The following MICU1 variants were observed in gnomAD, a reference collection of about 807,000 sequenced individuals.
MICU1 encodes the protein mitochondrial calcium uptake 1, also known as calcium uptake protein 1, mitochondrial.
Under a neutral mutation model 56.8 loss-of-function variants are expected in MICU1, and 45 were observed. The observed-to-expected ratio is 0.79, with a 90% CI of 0.62 to 1.02. MICU1 has a LOEUF of 1.02. MICU1 is among the 50% of genes least tolerant of loss of function. MICU1 has a pLI of 0.00. For synonymous variants in MICU1, 186 were observed against 195.1 expected (o/e 0.95, Z 0.39); for missense variants, 504 against 587.1 (o/e 0.86, Z 1.46).
intron 1 of MICU1, among the ~76,000 whole-genome samples, chr10:72,622,381 A>G (rs912164463): frequency 1.3e-5 from 2 of 152,112 alleles, no homozygotes; most frequent in Non-Finnish European, 2.9e-5. Flanking sequence ...AATGGTTTCA[A>G]ACTATATTCC....
intron 8 of MICU1, among the ~76,000 whole-genome samples, chr10:72,474,515 C>T (rs1866052727): frequency 6.6e-6 from 1 of 152,118 alleles, no homozygotes; most frequent in Non-Finnish European, 1.5e-5. Context: ...TTGCAACTCT[C>T]AGCAACATTG....
At chr10:72,521,580 G>A (rs1175639919) in intron 5 of MICU1, among the ~76,000 whole-genome samples, 1 of 151,938 alleles carries the variant, frequency 6.6e-6, no homozygotes, top group African/African-American at 2.4e-5. Context: ...GCACTTTATG[G>A]ATAAGAACAC....
In MICU1 at chr10:72,623,249, C is replaced by T. The variant is rs1168582790; in HGVS notation, c.-2+2761G>A. On this transcript the variant is annotated intron_variant, in intron 1 of 11. Transcript: ENST00000361114. ...TCGCGCCATTGCACTGTAGCCTTGGCAACGAGAGTGAAACTCTGTCAAAAA... is the reference window on the plus strand; with the variant it reads ...TCGCGCCATTGCACTGTAGCCTTGGTAACGAGAGTGAAACTCTGTCAAAAA... 4.3e-5 allele frequency among the ~76,000 whole-genome samples: 5 copies of T among 116,374 alleles called. No individual in the cohort carries two copies. The East Asian group carries it at 1.5e-3, about 34-fold the overall frequency. 76.3% of individuals were successfully genotyped at this position (116,374 alleles called of 152,430 possible). A position where few individuals can be genotyped will look rare whatever the true frequency, so the allele number is the denominator to read the frequency against.
At chr10:72,619,340 G>A (rs1842049048) in intron 1 of MICU1, among the ~76,000 whole-genome samples, 1 of 152,190 alleles carries the variant, frequency 6.6e-6, no homozygotes, top group East Asian at 1.9e-4. Flanking sequence ...AGCTACTCGG[G>A]AGGCTGAGGC....
chr10:72,564,831 A>C (rs1002754174), intron 2 of MICU1, among the ~76,000 whole-genome samples: 5 of 152,148 alleles, frequency 3.3e-5, no homozygotes, highest in Non-Finnish European at 7.4e-5. Context: ...ATGAAACTAC[A>C]CAAAGTAGTT....
At chr10:72,577,308 G>A (rs947842883) in intron 1 of MICU1, among the ~76,000 whole-genome samples, 3 of 151,920 alleles carry the variant, frequency 2.0e-5, no homozygotes, top group Non-Finnish European at 2.9e-5. Flanking sequence ...TCAGAAGTTC[G>A]AGACCAGCCT....
chr10:72,477,122 A>G (rs1589259326), intron 7 of MICU1, 52 bp downstream of exon 7: 2 of 1,377,532 alleles, frequency 1.5e-6, no homozygotes, highest in East Asian at 5.0e-5. Context: ...AGGCACATGA[A>G]AATGTATTTT....
chr10:72,566,237 G>A (rs1268246940), intron 2 of MICU1, among the ~76,000 whole-genome samples: 1 of 151,936 alleles, frequency 6.6e-6, no homozygotes, highest in Non-Finnish European at 1.5e-5. Context: ...GTAGAGATGG[G>A]TTTTTGCCAT....
chr10:72,625,778 G>C (rs181180415), intron 1 of MICU1, among the ~76,000 whole-genome samples: 3 of 152,158 alleles, frequency 2.0e-5, no homozygotes, highest in African/African-American at 4.8e-5. Flanking sequence ...GACGGGTTGG[G>C]GTGAAGGAAA....
intron 10 of MICU1, among the ~76,000 whole-genome samples, chr10:72,392,533 TG>T (rs1564842358): frequency 3.3e-5 from 5 of 152,066 alleles, no homozygotes; most frequent in African/African-American, 1.2e-4. Flanking sequence ...ATTGTACCAC[TG>T]CACTCCAGTC....
chr10:72,482,917 G>A (rs144280990), intron 6 of MICU1, among the ~76,000 whole-genome samples: 6,741 of 151,268 alleles, frequency 0.045, 496 homozygotes, highest in African/African-American at 0.15. Context: ...GTGCAGTGGC[G>A]TGATTTTGGC....
At chr10:72,424,030 T>C (rs1275291867) in intron 8 of MICU1, among the ~76,000 whole-genome samples, 2 of 152,202 alleles carry the variant, frequency 1.3e-5, no homozygotes, top group Non-Finnish European at 2.9e-5. Context: ...GTTTCCTTAG[T>C]AGTGGGACTG....
At chr10:72,506,957 C>T (rs1867272972) in intron 6 of MICU1, among the ~76,000 whole-genome samples, 1 of 152,134 alleles carries the variant, frequency 6.6e-6, no homozygotes, top group East Asian at 1.9e-4. Flanking sequence ...TCAGCTGTGG[C>T]AAGGCATATA....
Position 72,407,317 on chromosome 10 carries a change from T to C in MICU1, c.1180+612A>G, listed in dbSNP as rs116556743. Among the ~76,000 whole-genome samples the C allele has an allele frequency of 2.8e-3, 425 of 152,290 alleles. 2 individuals carry two copies. Among genetic ancestry groups the C allele is most frequent in the African/African-American group, 9.7e-3 (403 of 41,560 alleles). ...ATACGATCAAGCAAATATAGCAAAATGTCAGTTGAGCTGAATATGTGGATG... is the reference window on the plus strand; with the variant it reads ...ATACGATCAAGCAAATATAGCAAAACGTCAGTTGAGCTGAATATGTGGATG... On this transcript the variant is annotated intron_variant, in intron 10 of 11. Transcript: ENST00000361114.
At chr10:72,503,373 C>T (rs1446588100) in intron 6 of MICU1, among the ~76,000 whole-genome samples, 1 of 152,050 alleles carries the variant, frequency 6.6e-6, no homozygotes, top group Non-Finnish European at 1.5e-5. Flanking sequence ...ATGATTCTTC[C>T]CCACCCCCAG....
At chr10:72,513,115 C>T (rs1867534288) in intron 5 of MICU1, among the ~76,000 whole-genome samples, 1 of 152,162 alleles carries the variant, frequency 6.6e-6, no homozygotes, top group South Asian at 2.1e-4. Context: ...TTAAGCAATC[C>T]TTCCACCTCA....
intron 11 of MICU1, among the ~76,000 whole-genome samples, chr10:72,369,965 C>CT: frequency 0.011 from 1 of 92 alleles, no homozygotes; most frequent in East Asian, 0.17. Context: ...ACTGCAAGTA[C>CT]CCCTCCAGGT....
intron 10 of MICU1, among the ~76,000 whole-genome samples, chr10:72,381,668 T>C (rs1398994218): frequency 5.3e-5 from 8 of 152,164 alleles, no homozygotes; most frequent in African/African-American, 1.9e-4. Context: ...CTGCTAATCC[T>C]AGCTCCTAAC....
At chr10:72,419,123 T>G (rs1213388934) in intron 9 of MICU1, among the ~76,000 whole-genome samples, 1 of 152,174 alleles carries the variant, frequency 6.6e-6, no homozygotes, top group Non-Finnish European at 1.5e-5. Context: ...AAACTCACAA[T>G]GAAATATGAA....
Sources: gnomAD v4.1 joint callset for allele counts (sites outside exome capture counted in the v4.1 genomes callset) on GRCh38, gnomAD v4.1.1 for gene constraint, MANE v1.5 for transcripts, NCBI Gene and HGNC (gene_info 2026-07-23, HGNC 2026-07-21) for gene names.